The following WRN variants were observed in gnomAD, a reference collection of about 807,000 sequenced individuals.
The protein encoded by WRN is WRN RecQ like helicase.
A neutral mutation model predicts 180.7 loss-of-function variants in WRN; 149 were observed. The ratio of observed to expected loss-of-function variants is 0.82; its 90% CI spans 0.72 to 0.94. The LOEUF is 0.94. Ranked by LOEUF, WRN falls within the 40% of genes least tolerant of loss-of-function variation. The pLI is 0.00. For synonymous variants in WRN, 548 were observed against 568.9 expected (o/e 0.96, Z 0.52); for missense variants, 1,661 against 1,700.1 (o/e 0.98, Z 0.40).
At chr8:31,036,851 T>G (rs1811469376) in intron 1 of WRN, among the ~76,000 whole-genome samples, 1 of 152,164 alleles carries the variant, frequency 6.6e-6, no homozygotes, top group Non-Finnish European at 1.5e-5. Flanking sequence ...GAGAAGCATT[T>G]TATTTTGATG....
At chr8:31,070,393 A>C (rs1407700706) in intron 7 of WRN, among the ~76,000 whole-genome samples, 1 of 151,650 alleles carries the variant, frequency 6.6e-6, no homozygotes, top group Non-Finnish European at 1.5e-5. Flanking sequence ...AGAACATAAA[A>C]GGATATTTAC....
intron 21 of WRN, 145 bp from the exon 22 acceptor site, chr8:31,124,377 C>T: frequency 1.6e-6 from 1 of 623,298 alleles, no homozygotes. Flanking sequence ...ACAGAACTTT[C>T]TGAGATGCTA....
intron 24 of WRN, among the ~76,000 whole-genome samples, chr8:31,133,800 G>A (rs905747608): frequency 6.6e-6 from 1 of 152,146 alleles, no homozygotes; most frequent in Non-Finnish European, 1.5e-5. Flanking sequence ...CTGTGAAAAT[G>A]TATTCTGTCT....
intron 31 of WRN, among the ~76,000 whole-genome samples, chr8:31,152,300 C>T (rs1184388849): frequency 1.3e-5 from 2 of 149,864 alleles, no homozygotes; most frequent in Admixed American, 6.7e-5. Context: ...CACTGCACTC[C>T]AGCCTGGGCG....
At position 31,081,158 on chromosome 8, in the gene WRN, A is replaced by G; in HGVS notation, c.1131A>G (p.Gly377=). 1 of 1,614,078 alleles carries G rather than the reference A, an allele frequency of 6.2e-7. No homozygotes were observed. The change falls in exon 9 of 35, where the codon GGA becomes GGG. Residue 377 remains glycine (G), a synonymous_variant. Coordinates refer to ENST00000298139, the MANE Select transcript of WRN (RefSeq NM_000553.6). The part of the protein sequence containing the change: ...VERKEDGFED[G]VEDNKLKENM... ...GAAAAGAAGATGGATTTGAAGATGG[A>G]GTAGAAGACAACAAATTGAAAGAGA...
At chr8:31,142,831 CA>C in intron 27 of WRN, 130 bp downstream of exon 27, 2 of 780,578 alleles carry the variant, frequency 2.6e-6, no homozygotes, top group Non-Finnish European at 2.0e-6. Flanking sequence ...AAAATTCGGC[CA>C]GGGAAGTGAT....
At chr8:31,098,535 G>C (rs1050972514) in intron 17 of WRN, among the ~76,000 whole-genome samples, 6 of 152,210 alleles carry the variant, frequency 3.9e-5, no homozygotes, top group African/African-American at 1.4e-4. Context: ...ACTCAGTGTT[G>C]AATAAAAAGG....
intron 1 of WRN, among the ~76,000 whole-genome samples, chr8:31,053,460 A>G (rs1812152148): frequency 6.6e-6 from 1 of 152,148 alleles, no homozygotes; most frequent in African/African-American, 2.4e-5. Flanking sequence ...CCTTCTTTTC[A>G]CCTTTAGGTG....
intron 8 of WRN, 59 bp from the exon 9 acceptor site, chr8:31,080,808 T>C (rs569241346): frequency 1.9e-5 from 26 of 1,390,352 alleles, no homozygotes; most frequent in Middle Eastern, 2.6e-4. Context: ...AGCTTCACAG[T>C]TTGTCCTTGT....
chr8:31,122,730 C>T (rs1017983741), intron 21 of WRN, among the ~76,000 whole-genome samples: 6 of 151,396 alleles, frequency 4.0e-5, no homozygotes, highest in East Asian at 1.9e-4. Context: ...ATTTATTTGC[C>T]GTTAAGAGTT....
intron 19 of WRN, among the ~76,000 whole-genome samples, chr8:31,112,552 GAA>G: frequency 6.9e-6 from 1 of 144,372 alleles, no homozygotes; most frequent in African/African-American, 2.9e-5. Context: ...TATATGTTAA[GAA>G]GTTTTCAAAA....
At chr8:31,082,044 A>C (rs547810067) in intron 9 of WRN, among the ~76,000 whole-genome samples, 2 of 152,340 alleles carry the variant, frequency 1.3e-5, no homozygotes, top group South Asian at 4.1e-4. Flanking sequence ...TATAGGTGTG[A>C]GTCACTGTGC....
chr8:31,162,648 T>C (rs1803677187), intron 33 of WRN, among the ~76,000 whole-genome samples: 1 of 152,230 alleles, frequency 6.6e-6, no homozygotes. Context: ...GGTGAGTTTG[T>C]TTACACCATT....
chr8:31,116,383 T>A lies in WRN; in HGVS notation c.2303T>A (p.Ile768Asn). The change falls in exon 20 of 35, where the codon ATC (isoleucine) becomes AAC (asparagine). Residue 768 changes from isoleucine to asparagine, a missense_variant. This residue lies in a region of WRN where 1,141 missense variants were observed against 1,149.4 expected (regional missense o/e 0.99). Transcript: ENST00000298139. ...CACTGGGAATTTGAAGGTCCAACAA[T>A]CATCTACTGTCCTTCTAGAAAAATG... ...SSHWEFEGPT[I>N]IYCPSRKMTQ... is the part of the protein sequence containing the mutation. The A allele has an allele frequency of 1.2e-6, 2 of 1,613,998 alleles. No homozygotes were observed. The highest frequency in any genetic ancestry group is 1.7e-6 in the Non-Finnish European group (2 of 1,179,930).
Position 31,116,374 on chromosome 8 carries a change from G to A in WRN, c.2294G>A (p.Gly765Asp), listed in dbSNP as rs754619565. ...TTTAGTTCCCACTGGGAATTTGAAGGTCCAACAATCATCTACTGTCCTTCT... is the reference window on the plus strand; with the variant it reads ...TTTAGTTCCCACTGGGAATTTGAAGATCCAACAATCATCTACTGTCCTTCT... ...VKTSSHWEFE[G>D]PTIIYCPSRK... is the part of the protein sequence containing the mutation. The change falls in exon 20 of 35, where the codon GGT becomes GAT. Residue 765 changes from glycine to aspartate, a missense_variant. Transcript: ENST00000298139. 3 of 1,613,660 alleles carry A rather than the reference G, an allele frequency of 1.9e-6. No individual in the cohort carries two copies. The highest frequency in any genetic ancestry group is 2.5e-6 in the Non-Finnish European group (3 of 1,179,904).
chr8:31,119,986 G>C (rs1259021035), intron 20 of WRN: 1 of 436,544 alleles, frequency 2.3e-6, no homozygotes, highest in African/African-American at 2.0e-5. Context: ...TTTGTGTCTT[G>C]TATTCATAGG....
intron 7 of WRN, among the ~76,000 whole-genome samples, chr8:31,075,010 G>A (rs993732062): frequency 3.3e-5 from 5 of 152,136 alleles, no homozygotes; most frequent in Admixed American, 2.6e-4. Context: ...AAGGTCAACG[G>A]TATGACTATG....
intron 33 of WRN, among the ~76,000 whole-genome samples, chr8:31,160,813 G>A (rs746272082): frequency 3.8e-4 from 58 of 152,026 alleles, no homozygotes; most frequent in African/African-American, 1.3e-3. Context: ...GTGAAACCCC[G>A]TCTCTACTAA....
intron 7 of WRN, among the ~76,000 whole-genome samples, chr8:31,069,101 T>C (rs1431781324): frequency 6.6e-6 from 1 of 152,288 alleles, no homozygotes; most frequent in Non-Finnish European, 1.5e-5. Context: ...TCTGTATTGA[T>C]ATAAAGTTAT....
Sources: allele counts gnomAD v4.1 joint callset (sites outside exome capture counted in the v4.1 genomes callset), GRCh38; gene constraint gnomAD v4.1.1; regional missense constraint gnomAD v4.1.1; transcripts MANE v1.5; gene names NCBI Gene and HGNC (gene_info 2026-07-23, HGNC 2026-07-21).